Variants in CDYL observed in about 807,000 individuals in gnomAD.
CDYL encodes chromodomain Y like.
CDYL carries 8 observed loss-of-function variants against 47.3 expected under a neutral mutation model. The observed-to-expected ratio is 0.17, with a 90% CI of 0.10 to 0.31. The LOEUF is 0.31. CDYL is among the 10% of genes least tolerant of loss of function. CDYL has a pLI of 1.00. For synonymous variants in CDYL, 266 were observed against 265.0 expected, an observed-to-expected ratio of 1.00 and a Z score of -0.04; for missense variants, 471 against 701.4, an observed-to-expected ratio of 0.67 and a Z score of 3.71.
intron 3 of CDYL, among the ~76,000 whole-genome samples, chr6:4,753,566 G>T (rs1758031039): frequency 6.6e-6 from 1 of 152,172 alleles, no homozygotes; most frequent in Non-Finnish European, 1.5e-5. Flanking sequence ...GATTGTCAGG[G>T]CACTGTGTAT....
chr6:4,821,746 A>T (rs1759845726), intron 1 of CDYL, among the ~76,000 whole-genome samples: 1 of 151,824 alleles, frequency 6.6e-6, no homozygotes, highest in Non-Finnish European at 1.5e-5. Context: ...GGGGGAAAAA[A>T]AAAAAGCGAT....
chr6:4,874,972 T>C (rs986137681), intron 1 of CDYL, among the ~76,000 whole-genome samples: 2 of 152,220 alleles, frequency 1.3e-5, no homozygotes, highest in Admixed American at 6.5e-5. Flanking sequence ...ATTCCGTTTC[T>C]GGTTCTTATG....
intron 2 of CDYL, among the ~76,000 whole-genome samples, chr6:4,732,546 T>A (rs551588952): frequency 4.8e-5 from 7 of 147,216 alleles, no homozygotes; most frequent in African/African-American, 1.8e-4. Context: ...CCTGCAGTCA[T>A]AGCTACTCAG....
At chr6:4,892,420 A>G in intron 2 of CDYL, 41 bp downstream of exon 2, 2 of 1,544,134 alleles carry the variant, frequency 1.3e-6, no homozygotes, top group Non-Finnish European at 1.7e-6. Context: ...TGGTGATCCC[A>G]GAGGGCTCGG....
At chr6:4,744,578 A>G (rs1306069690) in intron 3 of CDYL, among the ~76,000 whole-genome samples, 3 of 152,184 alleles carry the variant, frequency 2.0e-5, no homozygotes, top group Non-Finnish European at 4.4e-5. Context: ...TCCTACTACC[A>G]CTGATTACTT....
chr6:4,950,725 G>A (rs957525497), intron 5 of CDYL, among the ~76,000 whole-genome samples: 11 of 152,010 alleles, frequency 7.2e-5, no homozygotes, highest in African/African-American at 2.7e-4. Flanking sequence ...TCAGGAGATC[G>A]AGACCATCCT....
chr6:4,933,130 C>T (rs916587274), intron 2 of CDYL, among the ~76,000 whole-genome samples: 7 of 152,224 alleles, frequency 4.6e-5, no homozygotes, highest in African/African-American at 1.4e-4. Flanking sequence ...GCTCTGCCTG[C>T]GCCCCTCCCC....
intron 1 of CDYL, among the ~76,000 whole-genome samples, chr6:4,816,108 A>G (rs1474752815): frequency 6.6e-6 from 1 of 152,056 alleles, no homozygotes; most frequent in East Asian, 1.9e-4. Context: ...TGTTTTAAAA[A>G]TGCTACCCGT....
intron 1 of CDYL, among the ~76,000 whole-genome samples, chr6:4,884,079 G>A (rs979807886): frequency 2.0e-5 from 3 of 152,228 alleles, no homozygotes. Flanking sequence ...GTTCTCTAAA[G>A]TGATCCATAA....
chr6:4,859,310 T>C (rs1761097099), intron 1 of CDYL, among the ~76,000 whole-genome samples: 1 of 152,098 alleles, frequency 6.6e-6, no homozygotes, highest in African/African-American at 2.4e-5. Flanking sequence ...TTGTAGTCTT[T>C]TTTTTTTCCA....
In CDYL at chr6:4,937,088, G is replaced by A. The variant is rs929650457; in HGVS notation, c.949-477G>A. Among the ~76,000 whole-genome samples the A allele has an allele frequency of 2.0e-5, 3 of 152,184 alleles. No homozygotes were observed. The East Asian group carries it at 5.8e-4, about 29-fold the overall frequency. ...AAAATGCTTTTAGGCAGGGTGCGGT[G>A]GCTAATGCATGTAATCCCAGCACTT... On this transcript the variant is annotated intron_variant, in intron 3 of 6. Coordinates refer to ENST00000397588, the MANE Select transcript of CDYL (RefSeq NM_004824.4).
intron 1 of CDYL, among the ~76,000 whole-genome samples, chr6:4,848,667 T>A (rs1281653407): frequency 6.6e-6 from 1 of 152,256 alleles, no homozygotes; most frequent in Non-Finnish European, 1.5e-5. Context: ...TAGCACAGTG[T>A]ATTTTTAGTT....
At chr6:4,888,558 A>AT (rs1761959173) in intron 1 of CDYL, among the ~76,000 whole-genome samples, 1 of 152,036 alleles carries the variant, frequency 6.6e-6, no homozygotes, top group Non-Finnish European at 1.5e-5. Context: ...AAGTTTGTCA[A>AT]TTTTGTTAAT....
chr6:4,822,205 C>T (rs761519326), intron 1 of CDYL, among the ~76,000 whole-genome samples: 1 of 151,846 alleles, frequency 6.6e-6, no homozygotes, highest in Non-Finnish European at 1.5e-5. Flanking sequence ...CACTGTGTCA[C>T]CCAGGCTGGT....
intron 3 of CDYL, among the ~76,000 whole-genome samples, chr6:4,747,884 T>C (rs781427474): frequency 4.6e-5 from 7 of 152,248 alleles, no homozygotes; most frequent in Non-Finnish European, 1.0e-4. Context: ...ACTGCAATTC[T>C]TTTGTTTTCA....
chr6:4,734,310 T>G lies in CDYL; in HGVS notation c.104-452T>G, dbSNP rs9392065. Among the ~76,000 whole-genome samples, 325 of 152,290 alleles carry G rather than the reference T, an allele frequency of 2.1e-3. 12 individuals are homozygous for G. The East Asian group carries it at 0.06, about 28-fold the overall frequency. ...TGAGGGTCTCTCCAGGGCACTGTTG[T>G]CTGATGCATACTGGGTCATCTCAGA... On this transcript the variant is annotated intron_variant, in intron 2 of 8. Transcript: ENST00000328908.
At chr6:4,802,661 G>C (rs934719996) in intron 1 of CDYL, among the ~76,000 whole-genome samples, 3 of 152,302 alleles carry the variant, frequency 2.0e-5, no homozygotes, top group South Asian at 2.1e-4. Flanking sequence ...AGTATAGCTT[G>C]TCTGTTTCAT....
rs375199525 is a variant in CDYL at position 4,952,397 on chromosome 6, G to T, written c.1464G>T (p.Ser488=). 1.9e-6 allele frequency: 3 copies of T among 1,613,424 alleles called. No individual in the cohort carries two copies. The highest frequency in any genetic ancestry group is 1.3e-5 in the African/African-American group (1 of 75,018). ...TGGTTCGCATTAAGGAGCTTGCCTC[G>T]TGCAATCCAGTTGTATGTCTAATTG... is the stretch of plus-strand genomic sequence containing the variant. ...EVMVRIKELA[S]CNPVVLEESK... is the part of the protein sequence containing the mutation. Residue 488 remains serine (S), a synonymous_variant, in exon 6 of 7, where the codon TCG becomes TCT. Coordinates refer to ENST00000397588, the MANE Select transcript of CDYL (RefSeq NM_004824.4).
intron 3 of CDYL, among the ~76,000 whole-genome samples, chr6:4,744,862 A>G (rs966878417): frequency 1.4e-4 from 21 of 152,172 alleles, no homozygotes; most frequent in Admixed American, 1.0e-3. Flanking sequence ...TTTTCTTCAA[A>G]GAAATGACTC....
Sources: gnomAD v4.1 joint callset for allele counts (sites outside exome capture counted in the v4.1 genomes callset) on GRCh38, gnomAD v4.1.1 for gene constraint, MANE v1.5 for transcripts, NCBI Gene and HGNC (gene_info 2026-07-23, HGNC 2026-07-21) for gene names.